The following NBEA variants were observed in gnomAD, a reference collection of about 807,000 sequenced individuals.
The protein encoded by NBEA is lysosomal-trafficking regulator 2.
A neutral mutation model predicts 343.4 loss-of-function variants in NBEA; 44 were observed. The ratio of observed to expected loss-of-function variants is 0.13; its 90% CI spans 0.10 to 0.16. The LOEUF (loss-of-function observed/expected upper bound fraction) is 0.16. Ranked by LOEUF, NBEA falls within the 10% of genes least tolerant of loss-of-function variation. The pLI is 1.00. For missense variants in NBEA, 2,555 were observed against 3,631.3 expected (o/e 0.70, Z 7.62); for synonymous variants, 1,175 against 1,238.7 (o/e 0.95, Z 1.08).
chr13:35,138,268 G>A (rs2067856988), intron 17 of NBEA, among the ~76,000 whole-genome samples: 1 of 151,836 alleles, frequency 6.6e-6, no homozygotes, highest in Non-Finnish European at 1.5e-5. Flanking sequence ...ATTTTTGGAG[G>A]TCAGTTCAGC....
intron 55 of NBEA, among the ~76,000 whole-genome samples, chr13:35,661,381 T>C (rs2085083095): frequency 6.6e-6 from 1 of 152,188 alleles, no homozygotes; most frequent in Non-Finnish European, 1.5e-5. Flanking sequence ...AATGTAGTCA[T>C]TGTTATCTCT....
chr13:35,556,667 A>G (rs2153018262), intron 44 of NBEA, among the ~76,000 whole-genome samples: 1 of 152,202 alleles, frequency 6.6e-6, no homozygotes, highest in South Asian at 2.1e-4. Flanking sequence ...ATTTTTCTTA[A>G]TTTGAACTCA....
intron 41 of NBEA, among the ~76,000 whole-genome samples, chr13:35,515,984 G>T (rs2077472977): frequency 6.6e-6 from 1 of 152,090 alleles, no homozygotes; most frequent in African/African-American, 2.4e-5. Flanking sequence ...CAGGTGTTTT[G>T]CTGTAATCTA....
intron 8 of NBEA, among the ~76,000 whole-genome samples, chr13:35,068,999 C>T (rs1471404192): frequency 1.3e-5 from 2 of 151,974 alleles, no homozygotes; most frequent in Non-Finnish European, 2.9e-5. Flanking sequence ...AACCTTATAA[C>T]ATTAGAGTAA....
At chr13:35,241,414 AC>A (rs2030247929) in intron 34 of NBEA, among the ~76,000 whole-genome samples, 1 of 151,894 alleles carries the variant, frequency 6.6e-6, no homozygotes, top group Non-Finnish European at 1.5e-5. Context: ...CCCTGAACAA[AC>A]AAAAGACACT....
intron 25 of NBEA, among the ~76,000 whole-genome samples, chr13:35,170,681 T>G (rs1319823294): frequency 1.3e-5 from 2 of 151,906 alleles, no homozygotes; most frequent in Non-Finnish European, 2.9e-5. Context: ...GAGTTAGCGA[T>G]CTTGATTATT....
At chr13:35,337,007 C>T (rs1423689963) in intron 36 of NBEA, among the ~76,000 whole-genome samples, 1 of 151,902 alleles carries the variant, frequency 6.6e-6, no homozygotes, top group African/African-American at 2.4e-5. Context: ...CCCATATACC[C>T]TTGAACCTAA....
At chr13:35,179,158 A>G (rs1341067277) in intron 28 of NBEA, among the ~76,000 whole-genome samples, 1 of 151,734 alleles carries the variant, frequency 6.6e-6, no homozygotes, top group Non-Finnish European at 1.5e-5. Flanking sequence ...CTTTGGAAAG[A>G]TCTGGGTTTG....
chr13:35,357,257 G>A (rs2040541194), intron 38 of NBEA, among the ~76,000 whole-genome samples: 1 of 151,792 alleles, frequency 6.6e-6, no homozygotes, highest in South Asian at 2.1e-4. Flanking sequence ...CTTGTAAGCT[G>A]TGTAATCTCG....
chr13:35,653,514 A>G (rs1463297385), intron 53 of NBEA, among the ~76,000 whole-genome samples: 1 of 151,876 alleles, frequency 6.6e-6, no homozygotes, highest in Non-Finnish European at 1.5e-5. Flanking sequence ...TATTTTTAGT[A>G]GAGACAGGGT....
At chr13:35,637,828 G>GAA (rs200193393) in intron 49 of NBEA, among the ~76,000 whole-genome samples, 4 of 137,686 alleles carry the variant, frequency 2.9e-5, no homozygotes, top group Admixed American at 7.3e-5. Flanking sequence ...TCTCAAAAAA[G>GAA]AAAAAAAAAA....
At chr13:35,124,124 A>C (rs919766444) in intron 17 of NBEA, among the ~76,000 whole-genome samples, 1 of 151,972 alleles carries the variant, frequency 6.6e-6, no homozygotes, top group African/African-American at 2.4e-5. Flanking sequence ...ATTGCAATTC[A>C]TGCTACACTA....
intron 30 of NBEA, among the ~76,000 whole-genome samples, chr13:35,188,890 C>T (rs7995207): frequency 0.16 from 23,809 of 148,366 alleles, 2,100 homozygotes; most frequent in South Asian, 0.22. Context: ...TCTCCAACAC[C>T]TATATTTTAC....
intron 49 of NBEA, among the ~76,000 whole-genome samples, 181 bp from the exon 50 acceptor site, chr13:35,645,688 A>G (rs2084192218): frequency 6.6e-6 from 1 of 152,264 alleles, no homozygotes. Context: ...TCATCTTAAA[A>G]TAGCATAGAA....
chr13:35,267,534 G>A (rs2033783823), intron 34 of NBEA, among the ~76,000 whole-genome samples: 1 of 151,622 alleles, frequency 6.6e-6, no homozygotes. Flanking sequence ...GACTTTTGTT[G>A]ATCAAAATAC....
chr13:35,315,108 G>T (rs910527799), intron 36 of NBEA, among the ~76,000 whole-genome samples: 1 of 152,132 alleles, frequency 6.6e-6, no homozygotes. Flanking sequence ...GGCTTAATAT[G>T]AAATATTTAA....
chr13:35,307,441 AT>A (rs1000242983), intron 35 of NBEA, among the ~76,000 whole-genome samples: 14 of 152,172 alleles, frequency 9.2e-5, no homozygotes, highest in African/African-American at 3.1e-4. Flanking sequence ...AAGGTTGTAA[AT>A]TAGTACATCT....
At chr13:35,058,951 A>T (rs987349240) in intron 8 of NBEA, 88 bp downstream of exon 8, 1 of 1,151,476 alleles carries the variant, frequency 8.7e-7, no homozygotes, top group African/African-American at 1.6e-5. Context: ...AATCTTTAAT[A>T]CGGTTTAAGA....
intron 33 of NBEA, among the ~76,000 whole-genome samples, chr13:35,224,989 A>C (rs1210252595): frequency 3.3e-5 from 5 of 152,006 alleles, no homozygotes; most frequent in African/African-American, 1.2e-4. Context: ...TGTACCACGG[A>C]CTTTAAATTT....
Sources: gnomAD v4.1 joint callset for allele counts (sites outside exome capture counted in the v4.1 genomes callset) on GRCh38, gnomAD v4.1.1 for gene constraint, MANE v1.5 for transcripts, NCBI Gene and HGNC (gene_info 2026-07-23, HGNC 2026-07-21) for gene names.